Variants in JAKMIP1 observed in about 807,000 individuals in gnomAD.
JAKMIP1 encodes janus kinase and microtubule-interacting protein 1.
In JAKMIP1, 33 loss-of-function variants were observed where a neutral mutation model predicts 113.0. That is an observed-to-expected ratio of 0.29 (90% CI 0.22 to 0.39). JAKMIP1 has a LOEUF of 0.39. Among genes scored for constraint, JAKMIP1 ranks in the 10% least tolerant of loss-of-function variants. The pLI is 1.00. For synonymous variants in JAKMIP1, 480 were observed against 459.9 expected, an observed-to-expected ratio of 1.04 and a Z score of -0.56; for missense variants, 813 against 1,080.5, an observed-to-expected ratio of 0.75 and a Z score of 3.47.
intron 18 of JAKMIP1, 128 bp from the exon 19 acceptor site, chr4:6,036,235 G>A (rs144043838): frequency 0.022 from 15,472 of 707,270 alleles, 236 homozygotes; most frequent in Non-Finnish European, 0.03. Flanking sequence ...AACTGGCAGG[G>A]GCCAAGCACA....
chr4:6,190,694 C>T (rs187130400), intron 1 of JAKMIP1, among the ~76,000 whole-genome samples: 18 of 152,318 alleles, frequency 1.2e-4, no homozygotes, highest in South Asian at 2.1e-4. Context: ...TGTTAGCTGA[C>T]GCCTGCAAAT....
chr4:6,045,869 CAA>C (rs755039662), intron 16 of JAKMIP1, among the ~76,000 whole-genome samples: 2 of 146,890 alleles, frequency 1.4e-5, no homozygotes, highest in Non-Finnish European at 3.0e-5. Flanking sequence ...GACTCTGTCT[CAA>C]AAAAAAAAAT....
At chr4:6,120,923 G>A (rs777102869) in intron 1 of JAKMIP1, among the ~76,000 whole-genome samples, 3 of 152,130 alleles carry the variant, frequency 2.0e-5, no homozygotes, top group Admixed American at 1.3e-4. Context: ...GCAGCAGGCC[G>A]GGCACAGTGC....
intron 1 of JAKMIP1, among the ~76,000 whole-genome samples, chr4:6,124,333 C>A (rs959179090): frequency 2.6e-5 from 4 of 152,224 alleles, no homozygotes; most frequent in Non-Finnish European, 5.9e-5. Flanking sequence ...GGCAGAGCTG[C>A]CACCTGCACC....
chr4:6,063,229 A>G (rs1717565828), intron 9 of JAKMIP1, among the ~76,000 whole-genome samples: 1 of 152,242 alleles, frequency 6.6e-6, no homozygotes, highest in Admixed American at 6.5e-5. Context: ...AAAACGACAC[A>G]GCATAAATCC....
At chr4:6,100,272 T>C (rs1162017580) in intron 3 of JAKMIP1, among the ~76,000 whole-genome samples, 1 of 152,228 alleles carries the variant, frequency 6.6e-6, no homozygotes, top group African/African-American at 2.4e-5. Context: ...TCAGCCACTA[T>C]AGATTTGGAT....
At chr4:6,027,266 C>T (rs992208082) in intron 20 of JAKMIP1, among the ~76,000 whole-genome samples, 1 of 152,140 alleles carries the variant, frequency 6.6e-6, no homozygotes, top group South Asian at 2.1e-4. Context: ...CCCCCCAAAA[C>T]AAGGTAATAT....
At chr4:6,027,846 A>C (rs749584485) in intron 20 of JAKMIP1, among the ~76,000 whole-genome samples, 25 of 152,046 alleles carry the variant, frequency 1.6e-4, no homozygotes, top group Non-Finnish European at 2.4e-4. Context: ...ATCAGCAAGG[A>C]TGACCTTGGG....
intron 1 of JAKMIP1, among the ~76,000 whole-genome samples, chr4:6,126,505 C>T (rs1219676890): frequency 6.7e-6 from 1 of 149,618 alleles, no homozygotes; most frequent in Non-Finnish European, 1.5e-5. Context: ...ACGCATCATA[C>T]AGAAACACAC....
At chr4:6,109,167 C>G in intron 2 of JAKMIP1, among the ~76,000 whole-genome samples, 1 of 129,484 alleles carries the variant, frequency 7.7e-6, no homozygotes. Context: ...GAGTCTCGCT[C>G]TGTCCCCCAG....
At position 6,143,429 on chromosome 4, in the gene JAKMIP1, G is replaced by A. The variant is rs1188784901; in HGVS notation, c.-147-30432C>T. On this transcript the variant is annotated intron_variant, in intron 1 of 20. Transcript: ENST00000409021. This position sits in a 1 kb window ranked among gnomAD's most constrained non-coding sequence, Gnocchi z 4.9. ...TGGCGCCATGTCTGAACCCAGGCTG[G>A]TAAGAGTCAACGGGTCCCCTCTGGA... 1.3e-5 allele frequency among the ~76,000 whole-genome samples: 2 copies of A among 152,136 alleles called. No homozygotes were observed. The highest frequency in any genetic ancestry group is 3.9e-4 in the East Asian group (2 of 5,184).
chr4:6,171,213 T>TCAC (rs1458787287), intron 1 of JAKMIP1, among the ~76,000 whole-genome samples: 1 of 141,206 alleles, frequency 7.1e-6, no homozygotes, highest in Non-Finnish European at 1.5e-5. Context: ...ATCACCATCA[T>TCAC]CACCACCACC....
At chr4:6,075,407 A>C (rs1279528875) in intron 8 of JAKMIP1, among the ~76,000 whole-genome samples, 2 of 152,216 alleles carry the variant, frequency 1.3e-5, no homozygotes, top group Admixed American at 6.5e-5. Context: ...GATGGATCCA[A>C]GTATCAATTC....
rs1714215081 is a variant in JAKMIP1, at chr4:6,040,852, C to T, written c.2098-136G>A. ...ATGAGAAGGGACTTGGTGGTCTTCCCCGTTTGCCCCCACATGAATCACCCA... is the reference window on the plus strand; with the variant it reads ...ATGAGAAGGGACTTGGTGGTCTTCCTCGTTTGCCCCCACATGAATCACCCA... On this transcript the variant is annotated intron_variant, in intron 17 of 20. Coordinates refer to ENST00000409021, the MANE Select transcript of JAKMIP1 (RefSeq NM_001099433.2). The surrounding 1 kb of genome is among the most constrained non-coding windows in gnomAD (Gnocchi z 5.8). 1 of 693,368 alleles carries T rather than the reference C, an allele frequency of 1.4e-6. No individual in the cohort carries two copies. Among genetic ancestry groups the T allele is most frequent in the Non-Finnish European group, 2.6e-6 (1 of 391,088 alleles). The allele number at this position is 693,368 out of a possible 1,614,324, so 43.0% of individuals were successfully genotyped here.
At chr4:6,121,163 GAA>G (rs1716659484) in intron 1 of JAKMIP1, among the ~76,000 whole-genome samples, 1 of 136,208 alleles carries the variant, frequency 7.3e-6, no homozygotes, top group African/African-American at 2.8e-5. Flanking sequence ...TTGCACCACT[GAA>G]CTCCAGCCTG....
chr4:6,057,557 C>G (rs1367269606), intron 11 of JAKMIP1, among the ~76,000 whole-genome samples: 2 of 152,228 alleles, frequency 1.3e-5, no homozygotes, highest in African/African-American at 4.8e-5. Flanking sequence ...GCACCTGCAT[C>G]ATCCTCATGC....
Position 6,036,056 on chromosome 4 carries a change from C to T in JAKMIP1, c.2227G>A (p.Gly743Arg). ...TLYTALQQEP[G>R]RRAGEALSEG... is the part of the protein sequence containing the mutation. ...CTCAGCGCCTCACCGGCCCTCCGCC[C>T]CGGCTCCTGCTGCAGCGCTGTGTAC... is the stretch of plus-strand genomic sequence containing the variant. The change falls in exon 19 of 21, where the codon GGG (glycine) becomes AGG (arginine). Residue 743 changes from glycine to arginine, a missense_variant. Physicochemically the swap from Gly to Arg is moderately radical, Grantham distance 125 (BLOSUM62 -2). Around this residue, in one of 2 missense-constraint regions of JAKMIP1, gnomAD observed 273 missense variants for 426.6 expected, o/e 0.64. Coordinates refer to ENST00000409021, the MANE Select transcript of JAKMIP1 (RefSeq NM_001099433.2). 4.5e-6 allele frequency: 7 copies of T among 1,557,140 alleles called. No homozygotes were observed. Among genetic ancestry groups the T allele is most frequent in the Non-Finnish European group, 6.1e-6 (7 of 1,150,112 alleles).
chr4:6,161,389 C>A (rs1373681263), intron 1 of JAKMIP1, among the ~76,000 whole-genome samples: 3 of 152,156 alleles, frequency 2.0e-5, no homozygotes, highest in African/African-American at 7.2e-5. Context: ...TATCTGGCTG[C>A]CCCGTGGGCT....
chr4:6,176,791 TG>T lies in JAKMIP1; in HGVS notation c.-148+23461del, dbSNP rs991658064. ...TCACACCTGTAATCCTAGCACTTTT[TG>T]GGGGCCGAGGCAGGCGGATCACTTG... On this transcript the variant is annotated intron_variant, in intron 1 of 20. Coordinates refer to ENST00000409021, the MANE Select transcript of JAKMIP1 (RefSeq NM_001099433.2). The surrounding 1 kb of genome is among the most constrained non-coding windows in gnomAD (Gnocchi z 5.5). Among the ~76,000 whole-genome samples the T allele has an allele frequency of 2.2e-4, 33 of 152,128 alleles. No homozygotes were observed. Among genetic ancestry groups the T allele is most frequent in the Non-Finnish European group, 4.4e-4 (30 of 68,020 alleles).
Sources: allele counts gnomAD v4.1 joint callset (sites outside exome capture counted in the v4.1 genomes callset), GRCh38; gene constraint gnomAD v4.1.1; regional missense constraint gnomAD v4.1.1; non-coding constraint Gnocchi (gnomAD v3.1); transcripts MANE v1.5; gene names NCBI Gene and HGNC (gene_info 2026-07-23, HGNC 2026-07-21).